ANTXRL: variants seen among roughly 807,000 people sequenced by gnomAD.
ANTXRL encodes ANTXR like, also known as anthrax toxin receptor-like.
Under a neutral mutation model 75.4 loss-of-function variants are expected in ANTXRL, and 63 were observed. That is an observed-to-expected ratio of 0.84 (90% CI 0.68 to 1.03). The LOEUF (loss-of-function observed/expected upper bound fraction) is 1.03. Among genes scored for constraint, ANTXRL ranks in the 50% least tolerant of loss-of-function variants. The probability of loss-of-function intolerance (pLI) is 0.00; values close to 1 mark genes in which losing one functional copy is unlikely to be tolerated. For synonymous variants in ANTXRL, 335 were observed against 291.3 expected, an observed-to-expected ratio of 1.15 and a Z score of -1.53; for missense variants, 797 against 789.4, an observed-to-expected ratio of 1.01 and a Z score of -0.12.
In ANTXRL at chr10:46,329,883, C is replaced by T. The variant is rs1554967283; in HGVS notation, c.1695C>T (p.Ser565=). 1 of 1,535,892 alleles carries T rather than the reference C, an allele frequency of 6.5e-7. No homozygotes were observed. The highest frequency in any genetic ancestry group is 8.7e-7 in the Non-Finnish European group (1 of 1,146,730). The change falls in exon 17 of 17, where the codon TCC becomes TCT. Residue 565 remains serine, a synonymous_variant. Coordinates refer to ENST00000620264, the MANE Select transcript of ANTXRL (RefSeq NM_001278688.3). ...TGAGACACAGCCCGGAGTACTTTTC[C>T]CAAGCACAGACTCTGTGCAACCCAA... ...ICLRHSPEYF[S]QAQTLCNPKS...
intron 7 of ANTXRL, 129 bp downstream of exon 7, chr10:46,297,603 G>A (rs1554959254): frequency 2.1e-6 from 2 of 968,628 alleles, no homozygotes; most frequent in Non-Finnish European, 1.5e-6. Context: ...CATGGCCACT[G>A]CAGAAGTGAT....
intron 16 of ANTXRL, among the ~76,000 whole-genome samples, chr10:46,325,510 A>T (rs1290227050): frequency 5.9e-5 from 9 of 152,160 alleles, no homozygotes; most frequent in African/African-American, 2.2e-4. Flanking sequence ...CAATTCAGTC[A>T]TGTCTGTAAC....
intron 16 of ANTXRL, among the ~76,000 whole-genome samples, chr10:46,314,245 G>GC (rs1253691645): frequency 1.5e-4 from 23 of 152,206 alleles, no homozygotes; most frequent in Admixed American, 2.6e-4. Context: ...GCAGGGCACT[G>GC]CTGGTGTCAG....
chr10:46,301,839 A>G (rs1361658507), intron 9 of ANTXRL, among the ~76,000 whole-genome samples: 1 of 152,180 alleles, frequency 6.6e-6, no homozygotes, highest in Admixed American at 6.5e-5. Context: ...GGGCGCCCCA[A>G]GCATCAGCAG....
chr10:46,317,784 G>C (rs952498076), intron 16 of ANTXRL, among the ~76,000 whole-genome samples: 2 of 152,108 alleles, frequency 1.3e-5, no homozygotes, highest in Non-Finnish European at 2.9e-5. Flanking sequence ...AAACTCCAAA[G>C]CACTGGCAAT....
At chr10:46,293,619 A>T (rs1480003066) in intron 2 of ANTXRL, among the ~76,000 whole-genome samples, 1 of 151,268 alleles carries the variant, frequency 6.6e-6, no homozygotes, top group Non-Finnish European at 1.5e-5. Context: ...GAGTGTGGGG[A>T]TGCAGTGAGT....
At chr10:46,327,388 CA>C (rs1490054692) in intron 16 of ANTXRL, among the ~76,000 whole-genome samples, 1 of 152,056 alleles carries the variant, frequency 6.6e-6, no homozygotes, top group Non-Finnish European at 1.5e-5. Context: ...AGCAGGCTAA[CA>C]CACTTGGATT....
In ANTXRL at chr10:46,316,782, C is replaced by G. The variant is rs1291136898; in HGVS notation, c.1410+3466C>G. Among the ~76,000 whole-genome samples the G allele has an allele frequency of 2.6e-5, 4 of 152,162 alleles. No homozygotes were observed. The East Asian group carries it at 7.7e-4, about 29-fold the overall frequency. On this transcript the variant is annotated intron_variant, in intron 16 of 16. Transcript: ENST00000620264. ...GAACACCGAGTGAGAAATGATGATG[C>G]TGATCAGAAAAAAATCCATTCCCAG...
In ANTXRL at chr10:46,329,999, C is replaced by T. The variant is rs1839421612; in HGVS notation, c.1811C>T (p.Ser604Phe). Residue 604 changes from serine to phenylalanine, a missense_variant, in exon 17 of 17, where the codon TCC becomes TTC. Ser to Phe is a radical substitution (Grantham distance 155). Transcript: ENST00000620264. ...CCAGCTAGGTGCTTGAGGCCTCCCTCCAGGATGCTGCCGCTGCTGTCCCCA... is the reference window on the plus strand; with the variant it reads ...CCAGCTAGGTGCTTGAGGCCTCCCTTCAGGATGCTGCCGCTGCTGTCCCCA... ...LPPARCLRPP[S>F]RMLPLLSPLL... is the part of the protein sequence containing the mutation. 3 of 1,535,450 alleles carry T rather than the reference C, an allele frequency of 2.0e-6. No homozygotes were observed. The highest frequency in any genetic ancestry group is 1.4e-5 in the African/African-American group (1 of 72,942).
chr10:46,292,343 A>G (rs72790439), intron 2 of ANTXRL, among the ~76,000 whole-genome samples: 25,452 of 151,806 alleles, frequency 0.17, 1,827 homozygotes, highest in Non-Finnish European at 0.19. Context: ...CTGTGAGCCC[A>G]GACATATTGC....
chr10:46,319,510 A>C (rs887842440), intron 16 of ANTXRL, among the ~76,000 whole-genome samples: 17 of 152,142 alleles, frequency 1.1e-4, no homozygotes, highest in African/African-American at 4.1e-4. Flanking sequence ...TTTCTTATGA[A>C]GCAAACTGAC....
intron 3 of ANTXRL, among the ~76,000 whole-genome samples, chr10:46,294,749 C>T (rs1280895947): frequency 5.9e-5 from 9 of 152,036 alleles, no homozygotes; most frequent in African/African-American, 1.7e-4. Context: ...AGACGGGGAG[C>T]GGGGTTTGGG....
intron 10 of ANTXRL, 43 bp downstream of exon 10, chr10:46,302,863 A>C: frequency 1.4e-6 from 2 of 1,399,896 alleles, no homozygotes; most frequent in Non-Finnish European, 9.8e-7. Context: ...TATTTCCCAC[A>C]CAATGCTGCC....
intron 10 of ANTXRL, among the ~76,000 whole-genome samples, chr10:46,303,620 G>A (rs11259783): frequency 0.031 from 4,708 of 152,224 alleles, 257 homozygotes; most frequent in African/African-American, 0.11. Context: ...GTTATAGATG[G>A]TCAGCCACAG....
At chr10:46,327,524 A>G (rs1462541358) in intron 16 of ANTXRL, among the ~76,000 whole-genome samples, 4 of 152,090 alleles carry the variant, frequency 2.6e-5, no homozygotes, top group African/African-American at 9.7e-5. Context: ...ACAAGGGGAA[A>G]GTCAGCATCA....
Position 46,329,699 on chromosome 10 carries a change from C to T in ANTXRL, c.1511C>T (p.Pro504Leu), listed in dbSNP as rs189549515. Reference sequence around the variant, plus strand: ...CACAGCCAGGAGTGCCTTTCCCTACCACAGGCTCCCTGCAGCCCAAGGATG... The same window carrying T: ...CACAGCCAGGAGTGCCTTTCCCTACTACAGGCTCCCTGCAGCCCAAGGATG... ...FPHSQECLSLPQAPCSPRMCL... is the reference protein window; with the variant it reads ...FPHSQECLSLLQAPCSPRMCL... The change falls in exon 17 of 17, where the codon CCA becomes CTA. Residue 504 changes from proline to leucine, a missense_variant. Pro to Leu is a moderately conservative substitution (Grantham distance 98, BLOSUM62 -3). This residue lies in a region of ANTXRL where 479 missense variants were observed against 422.0 expected (regional missense o/e 1.14). Transcript: ENST00000620264. 564 of 1,536,262 alleles carry T rather than the reference C, an allele frequency of 3.7e-4. 1 individual carries two copies. In the African/African-American group the frequency reaches 7.1e-3, roughly 19 times the overall value.
At chr10:46,313,726 C>T in intron 16 of ANTXRL, among the ~76,000 whole-genome samples, 1 of 152,172 alleles carries the variant, frequency 6.6e-6, no homozygotes. Context: ...ACGCAGTCCT[C>T]CCATGGGCCA....
upstream of ANTXRL, among the ~76,000 whole-genome samples, chr10:46,286,629 C>T (rs137960120): frequency 3.3e-3 from 495 of 152,272 alleles, 3 homozygotes; most frequent in African/African-American, 0.011. Flanking sequence ...AGTAGAGAAC[C>T]GGAATGTCCC....
At chr10:46,289,233 C>T (rs1482207978) in intron 1 of ANTXRL, among the ~76,000 whole-genome samples, 2 of 152,114 alleles carry the variant, frequency 1.3e-5, no homozygotes, top group Non-Finnish European at 2.9e-5. Context: ...CCCATGCGCT[C>T]CTATTCTTGG....
Sources: gnomAD v4.1 joint callset for allele counts (sites outside exome capture counted in the v4.1 genomes callset) on GRCh38, gnomAD v4.1.1 for gene constraint, gnomAD v4.1.1 regional missense constraint, MANE v1.5 for transcripts, NCBI Gene and HGNC (gene_info 2026-07-23, HGNC 2026-07-21) for gene names.